ANKS1B: variants seen among roughly 807,000 people sequenced by gnomAD.
ANKS1B encodes ankyrin repeat and sterile alpha motif domain containing 1B, also known as ankyrin repeat and sterile alpha motif domain-containing protein 1B.
A neutral mutation model predicts 148.3 loss-of-function variants in ANKS1B; 36 were observed. That is an observed-to-expected ratio of 0.24 (90% CI 0.19 to 0.32). The LOEUF (loss-of-function observed/expected upper bound fraction) is 0.32, where lower values mean the gene tolerates loss of function less well. ANKS1B is among the 10% of genes least tolerant of loss of function. ANKS1B has a pLI of 1.00. For missense variants in ANKS1B, 1,157 were observed against 1,542.6 expected, an observed-to-expected ratio of 0.75 and a Z score of 4.19; for synonymous variants, 542 against 560.8, an observed-to-expected ratio of 0.97 and a Z score of 0.47.
chr12:99,968,511 T>C (rs1275614413), intron 1 of ANKS1B, among the ~76,000 whole-genome samples: 1 of 152,176 alleles, frequency 6.6e-6, no homozygotes, highest in African/African-American at 2.4e-5. Context: ...TGAGCCAAGA[T>C]CGTGCCACTG....
chr12:99,528,610 A>T (rs2096955168), intron 9 of ANKS1B, among the ~76,000 whole-genome samples: 1 of 152,180 alleles, frequency 6.6e-6, no homozygotes, highest in African/African-American at 2.4e-5. Flanking sequence ...ACATAACATG[A>T]ATAAAATGAT....
At chr12:99,083,407 C>T (rs527483360) in intron 16 of ANKS1B, among the ~76,000 whole-genome samples, 1 of 152,078 alleles carries the variant, frequency 6.6e-6, no homozygotes, top group South Asian at 2.1e-4. Flanking sequence ...CTTCTAATCC[C>T]ACTTGTACAC....
intron 9 of ANKS1B, among the ~76,000 whole-genome samples, chr12:99,510,965 G>A (rs993262931): frequency 6.6e-6 from 1 of 151,952 alleles, no homozygotes; most frequent in Non-Finnish European, 1.5e-5. Context: ...CATGTGATCT[G>A]CAAACAAATA....
At chr12:99,894,526 A>C (rs2093308498) in intron 1 of ANKS1B, among the ~76,000 whole-genome samples, 1 of 150,320 alleles carries the variant, frequency 6.7e-6, no homozygotes, top group East Asian at 1.9e-4. Context: ...AAAAAAAAAA[A>C]AAAACAAGGT....
At chr12:99,722,822 G>A (rs938139132) in intron 8 of ANKS1B, among the ~76,000 whole-genome samples, 1 of 152,216 alleles carries the variant, frequency 6.6e-6, no homozygotes, top group Non-Finnish European at 1.5e-5. Flanking sequence ...TGGCAACTGA[G>A]GTATCCAGGT....
chr12:99,478,713 G>T (rs986440047), intron 10 of ANKS1B, among the ~76,000 whole-genome samples: 2 of 152,038 alleles, frequency 1.3e-5, no homozygotes, highest in Non-Finnish European at 2.9e-5. Context: ...TTTTATCAAA[G>T]TTGACAACAA....
intron 6 of ANKS1B, among the ~76,000 whole-genome samples, chr12:99,776,281 G>A (rs2063638774): frequency 1.3e-5 from 2 of 152,120 alleles, no homozygotes; most frequent in African/African-American, 2.4e-5. Flanking sequence ...ATTAGGAATA[G>A]CAGCTTAAAC....
At chr12:99,151,144 T>C (rs375380377) in intron 15 of ANKS1B, among the ~76,000 whole-genome samples, 159 of 152,294 alleles carry the variant, frequency 1.0e-3, no homozygotes, top group African/African-American at 3.7e-3. Context: ...TTTGAAATTT[T>C]GTCTTTAAGA....
At chr12:98,993,344 T>C (rs893950989) in intron 17 of ANKS1B, among the ~76,000 whole-genome samples, 10 of 152,128 alleles carry the variant, frequency 6.6e-5, no homozygotes, top group African/African-American at 2.4e-4. Context: ...ATTTTTTGTA[T>C]TTTTAGTAGT....
chr12:99,669,756 T>C (rs1442753052), intron 8 of ANKS1B, among the ~76,000 whole-genome samples: 1 of 152,210 alleles, frequency 6.6e-6, no homozygotes, highest in Non-Finnish European at 1.5e-5. Flanking sequence ...TCTTTTTTGG[T>C]ATAGTACCCT....
chr12:98,820,639 A>C (rs766715139), intron 19 of ANKS1B, among the ~76,000 whole-genome samples: 1 of 152,256 alleles, frequency 6.6e-6, no homozygotes, highest in Non-Finnish European at 1.5e-5. Flanking sequence ...ACATTTAAAA[A>C]TGAAATATAA....
intron 9 of ANKS1B, among the ~76,000 whole-genome samples, chr12:99,507,244 C>T (rs941184135): frequency 1.3e-5 from 2 of 151,870 alleles, no homozygotes; most frequent in Non-Finnish European, 2.9e-5. Flanking sequence ...CTCCTAGTTC[C>T]ATCCTGAAAT....
intron 1 of ANKS1B, among the ~76,000 whole-genome samples, chr12:99,834,374 T>G (rs1323750961): frequency 6.6e-6 from 1 of 152,322 alleles, no homozygotes; most frequent in East Asian, 1.9e-4. Context: ...TTATGCCTAC[T>G]TGTCAATATC....
chr12:99,336,599 G>A (rs957409764), intron 12 of ANKS1B, among the ~76,000 whole-genome samples: 9 of 151,802 alleles, frequency 5.9e-5, no homozygotes, highest in Admixed American at 3.3e-4. Flanking sequence ...ATCTAGTTTT[G>A]CCACCATCAT....
At chr12:99,963,828 T>C (rs1160514697) in intron 1 of ANKS1B, among the ~76,000 whole-genome samples, 4 of 152,218 alleles carry the variant, frequency 2.6e-5, no homozygotes, top group African/African-American at 7.2e-5. Context: ...TCCAGACATA[T>C]TTTTATGACA....
intron 17 of ANKS1B, among the ~76,000 whole-genome samples, chr12:98,848,777 T>C (rs861248): frequency 0.88 from 95,693 of 108,236 alleles, 42,581 homozygotes; most frequent in East Asian, 0.99. Flanking sequence ...CTCGCTCTGT[T>C]GCCCAGGCTG....
intron 17 of ANKS1B, among the ~76,000 whole-genome samples, chr12:98,933,261 T>C (rs906502078): frequency 6.6e-6 from 1 of 152,220 alleles, no homozygotes; most frequent in Non-Finnish European, 1.5e-5. Flanking sequence ...TGCGACTAAC[T>C]TACTTCACTT....
chr12:99,796,054 T>C (rs2066213883), intron 4 of ANKS1B, among the ~76,000 whole-genome samples: 1 of 152,038 alleles, frequency 6.6e-6, no homozygotes, highest in Admixed American at 6.6e-5. Context: ...CTTTGGAATA[T>C]GCAAATTGTC....
intron 8 of ANKS1B, among the ~76,000 whole-genome samples, chr12:99,751,947 G>A (rs560232671): frequency 6.6e-6 from 1 of 152,038 alleles, no homozygotes; most frequent in Non-Finnish European, 1.5e-5. Context: ...AGAGGAGAGT[G>A]TGAGAACTCA....
Sources: allele counts gnomAD v4.1 joint callset (sites outside exome capture counted in the v4.1 genomes callset), GRCh38; gene constraint gnomAD v4.1.1; transcripts MANE v1.5; gene names NCBI Gene and HGNC (gene_info 2026-07-23, HGNC 2026-07-21).